MYO1E: variants seen among roughly 807,000 people sequenced by gnomAD.
MYO1E encodes unconventional myosin-Ie.
MYO1E carries 68 observed loss-of-function variants against 151.1 expected under a neutral mutation model. The observed-to-expected ratio is 0.45, with a 90% CI of 0.37 to 0.55. MYO1E has a LOEUF of 0.55. Among genes scored for constraint, MYO1E ranks in the 20% least tolerant of loss-of-function variants. The pLI, the probability that MYO1E is intolerant of heterozygous loss-of-function variation, is 0.00. For missense variants in MYO1E, 1,363 were observed against 1,389.3 expected, an observed-to-expected ratio of 0.98 and a Z score of 0.30; for synonymous variants, 601 against 501.7, an observed-to-expected ratio of 1.20 and a Z score of -2.64.
rs545877964 is a variant in MYO1E, at chr15:59,243,335, T to C, written c.333-6663A>G. Among the ~76,000 whole-genome samples the C allele has an allele frequency of 2.6e-4, 40 of 152,316 alleles. No individual in the cohort carries two copies. The East Asian group carries it at 7.1e-3, about 27-fold the overall frequency. ...GGAACACACTGAAATATTGTGGCTATGATAATTGGAGGTACGATGTGTTCA... is the reference window on the plus strand; with the variant it reads ...GGAACACACTGAAATATTGTGGCTACGATAATTGGAGGTACGATGTGTTCA... On this transcript the variant is annotated intron_variant, in intron 4 of 27. Transcript: ENST00000288235.
intron 2 of MYO1E, among the ~76,000 whole-genome samples, chr15:59,269,137 G>T (rs1436353733): frequency 1.3e-5 from 2 of 152,210 alleles, no homozygotes. Context: ...AGTTTACAGT[G>T]GAATTTTTGG....
chr15:59,178,541 T>C lies in MYO1E; in HGVS notation c.1905-4A>G. The stretch of plus-strand genomic sequence containing the variant: ...GGCTTTGGTCAGAATGGCATACCTG[T>C]GGGGACATTGGGGAGAAGAGAATCA... On this transcript the variant is annotated splice_polypyrimidine_tract_variant and splice_region_variant and intron_variant, in intron 18 of 27. Coordinates refer to ENST00000288235, the MANE Select transcript of MYO1E (RefSeq NM_004998.4). 6.2e-7 allele frequency: 1 copy of C among 1,613,806 alleles called. No individual in the cohort carries two copies. The highest frequency in any genetic ancestry group is 8.5e-7 in the Non-Finnish European group (1 of 1,179,762).
At chr15:59,320,775 G>A (rs113264789) in intron 1 of MYO1E, among the ~76,000 whole-genome samples, 175 of 152,120 alleles carry the variant, frequency 1.2e-3, no homozygotes, top group South Asian at 4.8e-3. Flanking sequence ...ATCAATCTTG[G>A]AAAAGAATCT....
At chr15:59,333,641 G>A (rs2080711330) in intron 1 of MYO1E, among the ~76,000 whole-genome samples, 1 of 152,130 alleles carries the variant, frequency 6.6e-6, no homozygotes, top group South Asian at 2.1e-4. Flanking sequence ...TTTCCCATTG[G>A]TGAGTGGGTA....
intron 1 of MYO1E, among the ~76,000 whole-genome samples, chr15:59,330,508 C>A (rs534607630): frequency 1.2e-4 from 19 of 152,300 alleles, no homozygotes; most frequent in Middle Eastern, 6.8e-3. Context: ...GGTCTGTTGT[C>A]AGGTTTTTGC....
intron 7 of MYO1E, among the ~76,000 whole-genome samples, chr15:59,226,596 C>A (rs184709408): frequency 7.2e-5 from 11 of 152,228 alleles, no homozygotes; most frequent in Middle Eastern, 3.4e-3. Context: ...CACTTGAGTC[C>A]GAGAGTTAGA....
chr15:59,191,338 G>C (rs866753348), intron 17 of MYO1E, among the ~76,000 whole-genome samples: 3 of 144,910 alleles, frequency 2.1e-5, no homozygotes, highest in Admixed American at 6.9e-5. Context: ...GAGACAGAGA[G>C]AGAGAGAGAG....
chr15:59,308,500 C>T (rs1208871552), intron 1 of MYO1E, among the ~76,000 whole-genome samples: 2 of 151,504 alleles, frequency 1.3e-5, no homozygotes, highest in South Asian at 2.1e-4. Context: ...AGCAAAACCC[C>T]GTCTCTACTA....
chr15:59,136,528 T>G lies in MYO1E; in HGVS notation c.*852A>C. On this transcript the variant is annotated 3_prime_UTR_variant, in exon 28 of 28. Transcript: ENST00000288235. ...ATCTTTAAGTACCTGGTGTGAGTTT[T>G]GTAAGAAAACCTACCTTATGAATGA... is the stretch of plus-strand genomic sequence containing the variant. 1 of 321,936 alleles carries G rather than the reference T, an allele frequency of 3.1e-6. No individual in the cohort carries two copies. The highest frequency in any genetic ancestry group is 2.6e-5 in the South Asian group (1 of 38,870). The allele number at this position is 321,936 out of a possible 1,614,324, so 19.9% of individuals were successfully genotyped here.
At chr15:59,138,915 C>T (rs963868053) in intron 26 of MYO1E, among the ~76,000 whole-genome samples, 8 of 152,228 alleles carry the variant, frequency 5.3e-5, no homozygotes, top group Admixed American at 1.3e-4. Flanking sequence ...ATTCCACGGT[C>T]ACATGCTCAA....
chr15:59,256,667 T>C (rs538873929), intron 3 of MYO1E, among the ~76,000 whole-genome samples: 52 of 152,264 alleles, frequency 3.4e-4, no homozygotes, highest in Non-Finnish European at 5.4e-4. Context: ...CCCGTGTCTT[T>C]AGACACTCCA....
intron 1 of MYO1E, among the ~76,000 whole-genome samples, chr15:59,275,557 C>T (rs1303917819): frequency 6.6e-6 from 1 of 152,116 alleles, no homozygotes; most frequent in East Asian, 1.9e-4. Flanking sequence ...CTGTAAACTG[C>T]CCAAGGTTTT....
intron 2 of MYO1E, among the ~76,000 whole-genome samples, chr15:59,268,462 C>T (rs1351487133): frequency 2.0e-5 from 3 of 152,084 alleles, no homozygotes; most frequent in African/African-American, 7.2e-5. Context: ...CTGTGTGAGT[C>T]ATTTAAAAAT....
At chr15:59,265,792 TAAAAAA>T (rs59957325) in intron 2 of MYO1E, among the ~76,000 whole-genome samples, 8 of 106,308 alleles carry the variant, frequency 7.5e-5, no homozygotes, top group African/African-American at 1.1e-4. Flanking sequence ...CCCATCTCCT[TAAAAAA>T]AAAAAAAAAA....
chr15:59,224,573 G>C, intron 8 of MYO1E, 116 bp downstream of exon 8: 1 of 1,402,750 alleles, frequency 7.1e-7, no homozygotes, highest in Non-Finnish European at 1.0e-6. Context: ...TGCTCACAGA[G>C]AAAGAGGCGG....
At chr15:59,177,066 A>G (rs2079629351) in intron 19 of MYO1E, among the ~76,000 whole-genome samples, 2 of 152,254 alleles carry the variant, frequency 1.3e-5, no homozygotes, top group African/African-American at 4.8e-5. Flanking sequence ...GAAAAGTAAC[A>G]GCGGGTATGA....
At chr15:59,203,851 T>C (rs1293574335) in intron 15 of MYO1E, among the ~76,000 whole-genome samples, 1 of 152,198 alleles carries the variant, frequency 6.6e-6, no homozygotes, top group African/African-American at 2.4e-5. Context: ...ACGGGATCCA[T>C]GTAAATTAGC....
At chr15:59,207,505 G>A (rs1364025184) in intron 14 of MYO1E, 1 of 1,613,990 alleles carries the variant, frequency 6.2e-7, no homozygotes, top group Admixed American at 1.7e-5. Flanking sequence ...TTCCAATCCA[G>A]TGGATATCTT....
Position 59,132,864 on chromosome 15 carries a change from T to C in MYO1E, c.*4516A>G, listed in dbSNP as rs1374465461. 2 of 152,210 alleles carry C rather than the reference T, an allele frequency of 1.3e-5. No individual in the cohort carries two copies. Among genetic ancestry groups the C allele is most frequent in the African/African-American group, 4.8e-5 (2 of 41,456 alleles). The allele number at this position is 152,210 out of a possible 1,614,324, so 9.4% of individuals were successfully genotyped here. A position where few individuals can be genotyped will look rare whatever the true frequency, so the allele number is the denominator to read the frequency against. On this transcript the variant is annotated 3_prime_UTR_variant, in exon 28 of 28. Transcript: ENST00000288235. ...ATTATTTTAAAGAGAAGGTTAATGG[T>C]CTTGGAAAGAGATGAATCAGAGGAT...
Sources: allele counts gnomAD v4.1 joint callset (sites outside exome capture counted in the v4.1 genomes callset), GRCh38; gene constraint gnomAD v4.1.1; transcripts MANE v1.5; gene names NCBI Gene and HGNC (gene_info 2026-07-23, HGNC 2026-07-21).